The following TAS2R1 variants were observed in gnomAD, a reference collection of about 807,000 sequenced individuals.
TAS2R1 encodes taste 2 receptor member 1.
For synonymous variants in TAS2R1, 141 were observed against 134.2 expected, an observed-to-expected ratio of 1.05 and a Z score of -0.35; for missense variants, 370 against 353.4, an observed-to-expected ratio of 1.05 and a Z score of -0.38.
intron 2 of TAS2R1, among the ~76,000 whole-genome samples, chr5:9,645,283 C>T (rs774008270): frequency 7.2e-5 from 11 of 152,164 alleles, no homozygotes; most frequent in Non-Finnish European, 1.0e-4. Context: ...AGTTGAGGTG[C>T]ACTGAGGTCT....
the TAS2R1 span, chr5:9,765,369 A>T: frequency 6.6e-6 from 1 of 152,084 alleles, no homozygotes; most frequent in African/African-American, 2.4e-5. Context: ...TTGGGATGGG[A>T]TTCAGTGAAA....
At chr5:9,670,404 A>C (rs1485133838) in intron 1 of TAS2R1, among the ~76,000 whole-genome samples, 1 of 152,156 alleles carries the variant, frequency 6.6e-6, no homozygotes, top group East Asian at 1.9e-4. Context: ...CAAATGTTGA[A>C]ACTGTATTTA....
At chr5:9,706,949 T>C (rs932495135) in intron 1 of TAS2R1, among the ~76,000 whole-genome samples, 1 of 152,114 alleles carries the variant, frequency 6.6e-6, no homozygotes, top group African/African-American at 2.4e-5. Flanking sequence ...AAAAAATATT[T>C]TTCTTCCCTT....
upstream of TAS2R1, among the ~76,000 whole-genome samples, chr5:9,716,083 T>G (rs1343227064): frequency 6.6e-6 from 1 of 152,194 alleles, no homozygotes; most frequent in Non-Finnish European, 1.5e-5. Flanking sequence ...TCACATTGGC[T>G]TCAATACAAT....
At chr5:9,873,587 C>A in the TAS2R1 span, among the ~76,000 whole-genome samples, 3 of 151,844 alleles carry the variant, frequency 2.0e-5, no homozygotes, top group East Asian at 5.8e-4. Flanking sequence ...GGAGGGGACG[C>A]TGGGCTCGGT....
the TAS2R1 span, among the ~76,000 whole-genome samples, chr5:9,757,547 A>G: frequency 6.6e-6 from 1 of 152,222 alleles, no homozygotes; most frequent in Admixed American, 6.5e-5. Flanking sequence ...AGTGGCAAAA[A>G]TGACATTTAT....
At chr5:9,889,285 TGGAG>T in the TAS2R1 span, among the ~76,000 whole-genome samples, 1 of 152,024 alleles carries the variant, frequency 6.6e-6, no homozygotes, top group African/African-American at 2.4e-5. Flanking sequence ...GTACTGATGA[TGGAG>T]GGACAGGTAC....
intron 1 of TAS2R1, among the ~76,000 whole-genome samples, chr5:9,692,826 G>A (rs734618): frequency 0.15 from 22,070 of 152,128 alleles, 2,053 homozygotes; most frequent in South Asian, 0.28. Context: ...GATAAGCCTC[G>A]TCCTGGCCAT....
intron 1 of TAS2R1, among the ~76,000 whole-genome samples, chr5:9,690,405 T>C (rs377019098): frequency 8.5e-5 from 13 of 152,286 alleles, no homozygotes; most frequent in African/African-American, 2.6e-4. Flanking sequence ...GGGAATGGCA[T>C]TGGCACAGCC....
Position 9,629,184 on chromosome 5 carries a change from T to C in TAS2R1, c.849A>G (p.Lys283=), listed in dbSNP as rs750697895. ...HSLILILGNP[K]LKQNAKKFLL... is the part of the protein sequence containing the mutation. ...GGAACTTTTTTGCATTTTGTTTCAA[T>C]TTAGGATTTCCTAAAATTAAGATGA... Residue 283 remains lysine (K), a synonymous_variant, in exon 1 of 1, where the codon AAA becomes AAG. Coordinates refer to ENST00000382492, the MANE Select transcript of TAS2R1 (RefSeq NM_019599.3). The C allele has an allele frequency of 1.3e-6, 2 of 1,591,486 alleles. No homozygotes were observed. Among genetic ancestry groups the C allele is most frequent in the Non-Finnish European group, 1.7e-6 (2 of 1,172,008 alleles).
At chr5:9,807,937 A>T in the TAS2R1 span, among the ~76,000 whole-genome samples, 1 of 7,382 alleles carries the variant, frequency 1.4e-4, no homozygotes, top group Non-Finnish European at 2.4e-4. Context: ...TTAGAACATA[A>T]AAAAAAAAGT....
the TAS2R1 span, among the ~76,000 whole-genome samples, chr5:9,774,497 T>C: frequency 6.6e-6 from 1 of 152,246 alleles, no homozygotes; most frequent in African/African-American, 2.4e-5. Context: ...TGTTTGTCAA[T>C]GTCTGGGCAT....
chr5:9,879,681 C>A, the TAS2R1 span, among the ~76,000 whole-genome samples: 2 of 152,282 alleles, frequency 1.3e-5, no homozygotes, highest in Admixed American at 1.3e-4. Context: ...TTCTCTGACC[C>A]ATAAAGATGC....
At chr5:9,845,202 TTCTC>T in the TAS2R1 span, among the ~76,000 whole-genome samples, 1 of 152,098 alleles carries the variant, frequency 6.6e-6, no homozygotes, top group African/African-American at 2.4e-5. Context: ...AAAGAGATCT[TTCTC>T]TCCCTCCACC....
At chr5:9,750,394 C>T in the TAS2R1 span, among the ~76,000 whole-genome samples, 1 of 152,148 alleles carries the variant, frequency 6.6e-6, no homozygotes, top group Non-Finnish European at 1.5e-5. Flanking sequence ...GTAAACTCTT[C>T]CATTACTCAG....
At chr5:9,849,439 A>T in the TAS2R1 span, among the ~76,000 whole-genome samples, 17 of 152,224 alleles carry the variant, frequency 1.1e-4, no homozygotes, top group African/African-American at 4.1e-4. Context: ...TTATTAAGTC[A>T]ATTTTACAAA....
the TAS2R1 span, among the ~76,000 whole-genome samples, chr5:9,858,137 C>T: frequency 6.6e-6 from 1 of 151,948 alleles, no homozygotes; most frequent in Non-Finnish European, 1.5e-5. Context: ...AGGGTAGATC[C>T]AAAGCCACTG....
At chr5:9,640,497 TAAAAAAA>T (rs56140715) in intron 2 of TAS2R1, among the ~76,000 whole-genome samples, 212 of 59,038 alleles carry the variant, frequency 3.6e-3, no homozygotes, top group Middle Eastern at 0.016. Context: ...TTCAATTCCT[TAAAAAAA>T]AAAAAAAAAA....
chr5:9,650,813 T>A (rs140369236), intron 2 of TAS2R1, among the ~76,000 whole-genome samples: 9 of 152,328 alleles, frequency 5.9e-5, no homozygotes, highest in African/African-American at 2.2e-4. Flanking sequence ...CTTCCTAGAA[T>A]ATAAAGTTCC....
Sources: gnomAD v4.1 joint callset for allele counts (sites outside exome capture counted in the v4.1 genomes callset) on GRCh38, gnomAD v4.1.1 for gene constraint, MANE v1.5 for transcripts, NCBI Gene and HGNC (gene_info 2026-07-23, HGNC 2026-07-21) for gene names.